SOX6: variants seen among roughly 807,000 people sequenced by gnomAD.
SOX6 encodes the protein SRY-box transcription factor 6.
Under a neutral mutation model 97.8 loss-of-function variants are expected in SOX6, and 11 were observed. The observed-to-expected ratio is 0.11, with a 90% CI of 0.07 to 0.19. The LOEUF is 0.19. Ranked by LOEUF, SOX6 falls within the 10% of genes least tolerant of loss-of-function variation. SOX6 has a pLI of 1.00. For missense variants in SOX6, 810 were observed against 1,039.5 expected, an observed-to-expected ratio of 0.78 and a Z score of 3.04; for synonymous variants, 360 against 371.4, an observed-to-expected ratio of 0.97 and a Z score of 0.35.
At chr11:16,500,173 C>T (rs780118612) in intron 4 of SOX6, among the ~76,000 whole-genome samples, 33 of 152,210 alleles carry the variant, frequency 2.2e-4, no homozygotes, top group South Asian at 4.1e-4. Context: ...AATCAATAAA[C>T]GGAATCCAGC....
At chr11:16,143,589 G>C in intron 6 of SOX6, among the ~76,000 whole-genome samples, 1 of 152,168 alleles carries the variant, frequency 6.6e-6, no homozygotes, top group African/African-American at 2.4e-5. Flanking sequence ...CCATCAGCGT[G>C]CTGTATTCAG....
chr11:15,990,889 C>T (rs1201256432), intron 13 of SOX6, among the ~76,000 whole-genome samples: 4 of 152,040 alleles, frequency 2.6e-5, no homozygotes, highest in Non-Finnish European at 4.4e-5. Flanking sequence ...AATCTCTGGC[C>T]CTTCCTCTCT....
At chr11:16,124,615 T>C (rs1458953027) in intron 6 of SOX6, among the ~76,000 whole-genome samples, 1 of 151,572 alleles carries the variant, frequency 6.6e-6, no homozygotes, top group Non-Finnish European at 1.5e-5. Context: ...GGCATGTGAG[T>C]GCAAAGGTCA....
chr11:16,357,646 G>C (rs749113012), upstream of SOX6, among the ~76,000 whole-genome samples: 7 of 152,102 alleles, frequency 4.6e-5, no homozygotes, highest in Admixed American at 1.3e-4. Context: ...AAACTACTTG[G>C]TTTTTGCTAC....
intron 6 of SOX6, among the ~76,000 whole-genome samples, chr11:16,140,876 A>G (rs932850170): frequency 6.6e-6 from 1 of 152,178 alleles, no homozygotes; most frequent in African/African-American, 2.4e-5. Context: ...GGATGATCAG[A>G]ATAGGTGCAT....
At chr11:16,732,091 G>A (rs1848354667) in intron 2 of SOX6, among the ~76,000 whole-genome samples, 1 of 152,136 alleles carries the variant, frequency 6.6e-6, no homozygotes, top group African/African-American at 2.4e-5. Flanking sequence ...AATAAGAGAG[G>A]ACACAAATAA....
At chr11:16,102,537 A>G (rs1848975037) in intron 7 of SOX6, among the ~76,000 whole-genome samples, 2 of 151,544 alleles carry the variant, frequency 1.3e-5, no homozygotes. Context: ...ATCCTAAAAT[A>G]TATATGAAAC....
intron 1 of SOX6, among the ~76,000 whole-genome samples, chr11:16,348,278 T>C (rs1856821899): frequency 6.6e-6 from 1 of 152,146 alleles, no homozygotes; most frequent in African/African-American, 2.4e-5. Context: ...TGAGTTAGTG[T>C]TACCTGACAG....
chr11:16,526,088 G>T (rs1314457731), intron 4 of SOX6, among the ~76,000 whole-genome samples: 1 of 152,142 alleles, frequency 6.6e-6, no homozygotes, highest in South Asian at 2.1e-4. Context: ...ATTCCTCAGG[G>T]ATCTAGAACT....
At chr11:16,670,639 C>G (rs145428258) in intron 3 of SOX6, among the ~76,000 whole-genome samples, 42 of 152,312 alleles carry the variant, frequency 2.8e-4, no homozygotes, top group South Asian at 6.2e-4. Flanking sequence ...GACAGGGAAC[C>G]CCCAACTTGG....
At chr11:16,623,461 G>A (rs1053441572) in intron 3 of SOX6, among the ~76,000 whole-genome samples, 4 of 152,022 alleles carry the variant, frequency 2.6e-5, no homozygotes, top group Non-Finnish European at 5.9e-5. Flanking sequence ...CTGGATATTA[G>A]TCCTTTGTCA....
At chr11:16,025,533 A>ACCTTTGGCAC (rs1855193720) in intron 12 of SOX6, among the ~76,000 whole-genome samples, 3 of 152,242 alleles carry the variant, frequency 2.0e-5, no homozygotes, top group Admixed American at 6.5e-5. Flanking sequence ...TGGGAATTCT[A>ACCTTTGGCAC]TTAGTTCAAA....
chr11:16,170,812 G>A (rs556862709), intron 6 of SOX6, among the ~76,000 whole-genome samples: 17 of 151,894 alleles, frequency 1.1e-4, no homozygotes, highest in Middle Eastern at 3.4e-3. Context: ...AAAATATGGT[G>A]CTCTTTTGAA....
intron 1 of SOX6, among the ~76,000 whole-genome samples, chr11:16,419,505 A>T (rs1858987242): frequency 6.6e-6 from 1 of 151,502 alleles, no homozygotes. Context: ...CAAGGATTAG[A>T]CCTGAAAACC....
chr11:16,123,814 C>G (rs930601617), intron 6 of SOX6, among the ~76,000 whole-genome samples: 1 of 152,030 alleles, frequency 6.6e-6, no homozygotes, highest in Non-Finnish European at 1.5e-5. Context: ...GTGCCATTTT[C>G]ATAATAAATA....
At chr11:16,047,196 T>A (rs896020925) in intron 11 of SOX6, among the ~76,000 whole-genome samples, 11 of 152,148 alleles carry the variant, frequency 7.2e-5, no homozygotes, top group African/African-American at 2.7e-4. Context: ...ACATGTGTAC[T>A]TTAGTGATAT....
At chr11:16,727,339 A>G (rs1184147066) in intron 2 of SOX6, among the ~76,000 whole-genome samples, 1 of 139,728 alleles carries the variant, frequency 7.2e-6, no homozygotes, top group Non-Finnish European at 1.5e-5. Flanking sequence ...CAGTACCTAC[A>G]GAGCTTCATC....
intron 13 of SOX6, among the ~76,000 whole-genome samples, chr11:16,006,477 GA>G (rs1854558043): frequency 6.6e-6 from 1 of 152,040 alleles, no homozygotes; most frequent in Non-Finnish European, 1.5e-5. Flanking sequence ...AGACAAAGAT[GA>G]AAAAGACGAT....
chr11:16,443,890 G>A (rs1859559641), intron 1 of SOX6, among the ~76,000 whole-genome samples: 1 of 151,850 alleles, frequency 6.6e-6, no homozygotes, highest in Admixed American at 6.6e-5. Context: ...GTGGGCACCT[G>A]TAGTCCCAGC....
Sources: gnomAD v4.1 joint callset for allele counts (sites outside exome capture counted in the v4.1 genomes callset) on GRCh38, gnomAD v4.1.1 for gene constraint, MANE v1.5 for transcripts, NCBI Gene and HGNC (gene_info 2026-07-23, HGNC 2026-07-21) for gene names.